DRC8: variants seen among roughly 807,000 people sequenced by gnomAD.
DRC8 encodes the protein dynein regulatory complex subunit 8.
chr1:245,015,726 G>GA, the DRC8 span: 39 of 209,550 alleles, frequency 1.9e-4, no homozygotes, highest in African/African-American at 1.5e-3. Context: ...AAAAAAAAAA[G>GA]AAAGAAAGAA....
chr1:245,071,618 A>G, the DRC8 span, among the ~76,000 whole-genome samples: 2 of 152,220 alleles, frequency 1.3e-5, no homozygotes, highest in Admixed American at 1.3e-4. Context: ...TGCTAATAGC[A>G]GTAGAAAATG....
the DRC8 span, among the ~76,000 whole-genome samples, chr1:244,985,590 G>T: frequency 6.6e-6 from 1 of 152,140 alleles, no homozygotes; most frequent in Non-Finnish European, 1.5e-5. Context: ...TGGGCCAGGT[G>T]TGGTGGCACA....
At chr1:245,068,288 A>G in the DRC8 span, among the ~76,000 whole-genome samples, 9 of 152,204 alleles carry the variant, frequency 5.9e-5, no homozygotes, top group African/African-American at 1.9e-4. Context: ...TTGTATAGGT[A>G]ATATCCAGAT....
the DRC8 span, among the ~76,000 whole-genome samples, chr1:244,986,102 T>A: frequency 6.6e-6 from 1 of 151,634 alleles, no homozygotes; most frequent in Non-Finnish European, 1.5e-5. Context: ...ATTACAGGCG[T>A]GTGCCACCAT....
At chr1:245,047,706 C>T in the DRC8 span, among the ~76,000 whole-genome samples, 1 of 150,776 alleles carries the variant, frequency 6.6e-6, no homozygotes, top group Non-Finnish European at 1.5e-5. Context: ...TGGCTCATGC[C>T]TGCAATCCCA....
At chr1:245,058,206 C>T in the DRC8 span, among the ~76,000 whole-genome samples, 18 of 151,940 alleles carry the variant, frequency 1.2e-4, no homozygotes, top group African/African-American at 3.9e-4. Context: ...TGCATCACTG[C>T]ACTCCAGCCT....
chr1:245,086,470 A>G, the DRC8 span, among the ~76,000 whole-genome samples: 1 of 152,238 alleles, frequency 6.6e-6, no homozygotes, highest in Non-Finnish European at 1.5e-5. Flanking sequence ...CAAAGTATCA[A>G]ACACACTAGT....
the DRC8 span, chr1:244,970,363 A>T: frequency 4.9e-4 from 739 of 1,507,532 alleles, no homozygotes; most frequent in Non-Finnish European, 6.3e-4. Context: ...GCAGGCCGGG[A>T]CACCGCGGCC....
the DRC8 span, among the ~76,000 whole-genome samples, chr1:245,055,153 C>G: frequency 6.6e-6 from 1 of 152,206 alleles, no homozygotes; most frequent in Non-Finnish European, 1.5e-5. Context: ...TCTCTCGAGG[C>G]TGCTCACTGC....
the DRC8 span, among the ~76,000 whole-genome samples, chr1:245,104,074 G>A: frequency 1.3e-5 from 2 of 152,224 alleles, no homozygotes; most frequent in Non-Finnish European, 2.9e-5. Flanking sequence ...ATGGGGATGT[G>A]GGGATATAGG....
the DRC8 span, among the ~76,000 whole-genome samples, chr1:245,058,263 A>G: frequency 6.6e-6 from 1 of 151,966 alleles, no homozygotes; most frequent in Non-Finnish European, 1.5e-5. Flanking sequence ...TAATAATAAT[A>G]ATATCTTTGC....
At chr1:245,027,812 AT>A in the DRC8 span, among the ~76,000 whole-genome samples, 10 of 143,452 alleles carry the variant, frequency 7.0e-5, no homozygotes, top group African/African-American at 2.6e-4. Context: ...ACATTTTCTC[AT>A]TTTTTTCTCC....
At chr1:244,984,170 T>C in the DRC8 span, among the ~76,000 whole-genome samples, 1 of 152,002 alleles carries the variant, frequency 6.6e-6, no homozygotes, top group Non-Finnish European at 1.5e-5. Context: ...CTCTGGTGGG[T>C]CTTCCTAGTT....
the DRC8 span, among the ~76,000 whole-genome samples, chr1:245,019,367 G>A: frequency 6.6e-6 from 1 of 152,008 alleles, no homozygotes; most frequent in African/African-American, 2.4e-5. Flanking sequence ...TCATGCTGCT[G>A]GTATCATTAC....
chr1:245,062,335 G>A, the DRC8 span, among the ~76,000 whole-genome samples: 14 of 152,202 alleles, frequency 9.2e-5, no homozygotes, highest in South Asian at 2.1e-4. Context: ...TCTATAAATA[G>A]CAACTTCCTG....
chr1:244,982,032 G>A, the DRC8 span, among the ~76,000 whole-genome samples: 27 of 152,160 alleles, frequency 1.8e-4, no homozygotes, highest in Non-Finnish European at 2.9e-5. Flanking sequence ...CACATCAACA[G>A]GAATACAACT....
At chr1:245,002,352 T>A in the DRC8 span, 1 of 762,162 alleles carries the variant, frequency 1.3e-6, no homozygotes, top group Non-Finnish European at 2.2e-6. Flanking sequence ...AGCCAGATAC[T>A]CCCTACTCTA....
the DRC8 span, chr1:244,970,228 T>A: frequency 1.3e-6 from 1 of 756,194 alleles, no homozygotes; most frequent in Non-Finnish European, 2.3e-6. Context: ...GCGAGGGTCG[T>A]GGCGCGAAAC....
the DRC8 span, among the ~76,000 whole-genome samples, chr1:244,971,829 T>C: frequency 6.6e-6 from 1 of 152,164 alleles, no homozygotes; most frequent in Admixed American, 6.5e-5. Flanking sequence ...GTGATTTTTA[T>C]GTAATATTAA....
Sources: allele counts gnomAD v4.1 joint callset (sites outside exome capture counted in the v4.1 genomes callset), GRCh38; gene constraint gnomAD v4.1.1; transcripts MANE v1.5; gene names NCBI Gene and HGNC (gene_info 2026-07-23, HGNC 2026-07-21).